Variants in TEX36 observed in about 807,000 individuals in gnomAD.
The protein encoded by TEX36 is testis expressed 36, also known as testis-expressed protein 36.
In TEX36, 12 loss-of-function variants were observed where a neutral mutation model predicts 13.6. The observed-to-expected ratio is 0.88, with a 90% CI of 0.56 to 1.43. The LOEUF (loss-of-function observed/expected upper bound fraction) is 1.43, where lower values mean the gene tolerates loss of function less well. Among genes scored for constraint, TEX36 ranks in the 40% most tolerant of loss-of-function variants. TEX36 has a pLI of 0.00. For synonymous variants in TEX36, 93 were observed against 83.0 expected (o/e 1.12, Z -0.65); for missense variants, 224 against 228.3 (o/e 0.98, Z 0.12).
chr10:125,608,439 C>T (rs1846242703), intron 3 of TEX36, among the ~76,000 whole-genome samples: 2 of 152,122 alleles, frequency 1.3e-5, no homozygotes, highest in Non-Finnish European at 2.9e-5. Context: ...ATTGATTATG[C>T]TCACAAATAC....
At chr10:125,613,424 TC>T (rs1846316087) in intron 3 of TEX36, among the ~76,000 whole-genome samples, 1 of 65,500 alleles carries the variant, frequency 1.5e-5, no homozygotes, top group East Asian at 5.4e-4. Context: ...ATGCTATCCC[TC>T]CCCCCTCCCC....
downstream of TEX36, chr10:125,621,564 A>G (rs764903873): frequency 6.6e-6 from 3 of 455,762 alleles, no homozygotes; most frequent in South Asian, 4.7e-5. Flanking sequence ...AATAGGATAT[A>G]TGTATGTATA....
At chr10:125,631,297 A>G (rs534692897) in intron 3 of TEX36, among the ~76,000 whole-genome samples, 2 of 152,268 alleles carry the variant, frequency 1.3e-5, no homozygotes, top group African/African-American at 4.8e-5. Flanking sequence ...TGACTCCTAA[A>G]AAATAGCGGG....
At chr10:125,679,448 A>G (rs1229918690) in intron 1 of TEX36, among the ~76,000 whole-genome samples, 1 of 152,200 alleles carries the variant, frequency 6.6e-6, no homozygotes, top group Non-Finnish European at 1.5e-5. Context: ...AAAGGAACCC[A>G]GCATGACCTT....
At chr10:125,641,451 T>C (rs1846691024) in intron 3 of TEX36, among the ~76,000 whole-genome samples, 1 of 152,180 alleles carries the variant, frequency 6.6e-6, no homozygotes, top group Non-Finnish European at 1.5e-5. Context: ...AAATACTCAG[T>C]AGTTATGCAG....
chr10:125,577,125 C>A (rs1299399703), intron 3 of TEX36, among the ~76,000 whole-genome samples: 3 of 152,120 alleles, frequency 2.0e-5, no homozygotes, highest in African/African-American at 7.2e-5. Context: ...TGAGGGGCAG[C>A]CCTCAGCAGA....
chr10:125,633,975 G>C (rs1467128507), intron 3 of TEX36, among the ~76,000 whole-genome samples: 1 of 151,988 alleles, frequency 6.6e-6, no homozygotes, highest in African/African-American at 2.4e-5. Context: ...TAGGGTTCAA[G>C]TCTACCCCTC....
At chr10:125,584,589 A>G (rs979092690) in intron 3 of TEX36, among the ~76,000 whole-genome samples, 4 of 152,220 alleles carry the variant, frequency 2.6e-5, no homozygotes, top group Non-Finnish European at 5.9e-5. Context: ...TAGGGAGCTA[A>G]TTAAGGTTAA....
chr10:125,670,128 A>G (rs1257872521), intron 1 of TEX36, among the ~76,000 whole-genome samples: 2 of 152,190 alleles, frequency 1.3e-5, no homozygotes, highest in Non-Finnish European at 2.9e-5. Context: ...GTATTGCTGG[A>G]TCAAATGGTA....
At chr10:125,636,837 G>A (rs915512167) in intron 3 of TEX36, among the ~76,000 whole-genome samples, 1 of 152,116 alleles carries the variant, frequency 6.6e-6, no homozygotes, top group South Asian at 2.1e-4. Context: ...CGTTACTGTT[G>A]ACTGGAGGTG....
In TEX36 at chr10:125,636,372, A is replaced by ATTTTTTTTTTT. The variant is rs1173411320; in HGVS notation, c.265-14738_265-14728dup. On this transcript the variant is annotated intron_variant, in intron 3 of 3. Transcript: ENST00000526819. ...AGGCGCCCGCTACCACACCCGGCTA[A>ATTTTTTTTTTT]TTTTTTTTTTTTTATATATTTTTAG... 6.1e-4 allele frequency among the ~76,000 whole-genome samples: 87 copies of ATTTTTTTTTTT among 142,680 alleles called. 1 individual carries two copies. The highest frequency in any genetic ancestry group is 2.2e-3 in the African/African-American group (86 of 38,742). 93.6% of individuals were successfully genotyped at this position (142,680 alleles called of 152,430 possible).
chr10:125,636,165 A>G (rs1846621162), intron 3 of TEX36, among the ~76,000 whole-genome samples: 1 of 150,754 alleles, frequency 6.6e-6, no homozygotes, highest in Non-Finnish European at 1.5e-5. Flanking sequence ...GTGAGTCACC[A>G]CATGCGGCCT....
chr10:125,676,966 T>C (rs1043436604), intron 1 of TEX36, among the ~76,000 whole-genome samples: 9 of 152,376 alleles, frequency 5.9e-5, no homozygotes, highest in Admixed American at 1.3e-4. Context: ...AGGAGAGCTT[T>C]GCTAGAAATA....
Position 125,655,951 on chromosome 10 carries a change from G to C in TEX36, c.510C>G (p.Pro170=). 4 of 1,548,412 alleles carry C rather than the reference G, an allele frequency of 2.6e-6. No individual in the cohort carries two copies. The South Asian group carries it at 4.8e-5, about 19-fold the overall frequency. The part of the protein sequence containing the change: ...RSYTEVLKKK[P]KVRFTVDKKV... The stretch of plus-strand genomic sequence containing the variant: ...TTTTGTCAACAGTGAACCTTACTTT[G>C]GGCTTCTTTTTCAAAACCTCTGTAT... The change falls in exon 4 of 4, where the codon CCC becomes CCG. Residue 170 remains proline (P), a synonymous_variant. Coordinates refer to ENST00000368821, the MANE Select transcript of TEX36 (RefSeq NM_001128202.3).
At chr10:125,657,374 C>T (rs1846965006) in intron 3 of TEX36, among the ~76,000 whole-genome samples, 1 of 152,156 alleles carries the variant, frequency 6.6e-6, no homozygotes, top group Non-Finnish European at 1.5e-5. Context: ...CCACATAGAT[C>T]AGCCCCCAGA....
downstream of TEX36, among the ~76,000 whole-genome samples, chr10:125,618,942 T>TAAACAAAAAAAAAAAAAAAAA (rs1846392332): frequency 2.3e-5 from 1 of 43,596 alleles, no homozygotes; most frequent in African/African-American, 9.9e-5. Flanking sequence ...CCGTCTCTAC[T>TAAACAAAAAAAAAAAAAAAAA]AAAAAAAAAA....
intron 3 of TEX36, among the ~76,000 whole-genome samples, chr10:125,604,243 T>C (rs947357221): frequency 2.0e-5 from 3 of 152,078 alleles, no homozygotes; most frequent in Non-Finnish European, 4.4e-5. Context: ...GCTTCATTCG[T>C]ATTGACAGCC....
intron 3 of TEX36, among the ~76,000 whole-genome samples, chr10:125,658,940 A>T (rs2133593281): frequency 6.6e-6 from 1 of 152,242 alleles, no homozygotes; most frequent in East Asian, 1.9e-4. Context: ...TGAACTAAAC[A>T]TTCAACTGAA....
chr10:125,654,983 C>T (rs2133588886), downstream of TEX36, among the ~76,000 whole-genome samples: 3 of 152,308 alleles, frequency 2.0e-5, no homozygotes, highest in South Asian at 6.2e-4. Context: ...GTTCATGTAA[C>T]ACTGTGTCTA....
Sources: allele counts gnomAD v4.1 joint callset (sites outside exome capture counted in the v4.1 genomes callset), GRCh38; gene constraint gnomAD v4.1.1; transcripts MANE v1.5; gene names NCBI Gene and HGNC (gene_info 2026-07-23, HGNC 2026-07-21).